ATCAY: variants seen among roughly 807,000 people sequenced by gnomAD.
ATCAY encodes the protein ATCAY kinesin light chain interacting caytaxin, also known as caytaxin.
A neutral mutation model predicts 47.7 loss-of-function variants in ATCAY; 22 were observed. The observed-to-expected ratio is 0.46, with a 90% confidence interval of 0.33 to 0.66. The LOEUF is 0.66. Ranked by LOEUF, ATCAY falls within the 30% of genes least tolerant of loss-of-function variation. The probability of loss-of-function intolerance (pLI) is 0.02; values close to 1 mark genes in which losing one functional copy is unlikely to be tolerated. For missense variants in ATCAY, 452 were observed against 515.0 expected (o/e 0.88, Z 1.18); for synonymous variants, 216 against 207.6 (o/e 1.04, Z -0.35).
chr19:3,920,955 T>C (rs1774917646), intron 12 of ATCAY, 157 bp downstream of exon 12: 9 of 847,042 alleles, frequency 1.1e-5, no homozygotes, highest in Non-Finnish European at 1.7e-5. Context: ...CCCCATGACT[T>C]ATCGGGAGTG....
At chr19:3,911,478 C>T (rs2038922120) in intron 8 of ATCAY, among the ~76,000 whole-genome samples, 1 of 152,058 alleles carries the variant, frequency 6.6e-6, no homozygotes, top group Non-Finnish European at 1.5e-5. Flanking sequence ...GAGCTATGAT[C>T]ACTCCACTGC....
At chr19:3,911,396 T>C (rs900138260) in intron 8 of ATCAY, among the ~76,000 whole-genome samples, 1 of 151,698 alleles carries the variant, frequency 6.6e-6, no homozygotes, top group Non-Finnish European at 1.5e-5. Context: ...TGGCATCACA[T>C]GCCTGTAGTC....
In ATCAY at chr19:3,924,849, T is replaced by C. The variant is rs1381455130; in HGVS notation, c.*257T>C. 5.0e-5 allele frequency: 24 copies of C among 477,804 alleles called. No individual in the cohort carries two copies. Among genetic ancestry groups the C allele is most frequent in the Middle Eastern group, 5.9e-4 (1 of 1,704 alleles). 29.6% of individuals were successfully genotyped at this position (477,804 alleles called of 1,614,324 possible). ...CTCTGAGCCCCTCACCCTTCCACAC[T>C]CACGAACTCTCAGCCGAGGAAGGCA... On this transcript the variant is annotated 3_prime_UTR_variant, in exon 13 of 13. Transcript: ENST00000450849.
At chr19:3,896,485 T>C (rs1376884214) in intron 2 of ATCAY, among the ~76,000 whole-genome samples, 1 of 151,664 alleles carries the variant, frequency 6.6e-6, no homozygotes, top group African/African-American at 2.4e-5. Context: ...CAGGCTGGTC[T>C]TGAACTCTTG....
intron 2 of ATCAY, among the ~76,000 whole-genome samples, chr19:3,897,093 T>C (rs2038776188): frequency 6.6e-6 from 1 of 151,810 alleles, no homozygotes; most frequent in African/African-American, 2.4e-5. Context: ...ATCTAGACTT[T>C]TTGCATCTCT....
rs116217703 is a variant in ATCAY, at chr19:3,925,090, C to A, written c.*498C>A. 2,748 of 156,032 alleles carry A rather than the reference C, an allele frequency of 0.018. 83 individuals are homozygous for A. Among genetic ancestry groups the A allele is most frequent in the African/African-American group, 0.063 (2,624 of 41,548 alleles). 9.7% of individuals were successfully genotyped at this position (156,032 alleles called of 1,614,324 possible). On this transcript the variant is annotated 3_prime_UTR_variant, in exon 13 of 13. Coordinates refer to ENST00000450849, the MANE Select transcript of ATCAY (RefSeq NM_033064.5). The surrounding 1 kb of genome is among the most constrained non-coding windows in gnomAD (Gnocchi z 4.4). ...GCCTCAGACCTAGAAGCTCAACCCC[C>A]CTATGAGGGCCACGTCCTGGGGTAG...
In ATCAY at chr19:3,915,362, T is replaced by G. The variant is rs566877924; in HGVS notation, c.965+1506T>G. 1.8e-3 allele frequency among the ~76,000 whole-genome samples: 264 copies of G among 150,696 alleles called. 1 individual carries two copies. Among genetic ancestry groups the G allele is most frequent in the African/African-American group, 5.8e-3 (240 of 41,060 alleles). The stretch of plus-strand genomic sequence containing the variant: ...TAATTTTTTTTTTTTTTTTTGTATT[T>G]TTAGTAGAGACAGGGTTTCTCCATG... On this transcript the variant is annotated intron_variant, in intron 9 of 12. Transcript: ENST00000450849.
chr19:3,891,874 G>T (rs530415782), intron 2 of ATCAY, among the ~76,000 whole-genome samples: 147 of 152,010 alleles, frequency 9.7e-4, no homozygotes, highest in Non-Finnish European at 1.8e-3. Context: ...GTTTGTTTTG[G>T]GTTTTCTGGG....
intron 12 of ATCAY, among the ~76,000 whole-genome samples, chr19:3,921,902 A>AC (rs1357266700): frequency 2.0e-5 from 3 of 147,758 alleles, no homozygotes; most frequent in Admixed American, 6.7e-5. Flanking sequence ...GTTTAAAAAA[A>AC]AAAAAACAAA....
rs182635832 is a variant in ATCAY, at chr19:3,884,704, C to T, written c.-41-1023C>T. ...ATCTGAAGGCTCAGCCTCTCGCCCA[C>T]GTTCAAACTCTGAACCCCACTGTGC... On this transcript the variant is annotated intron_variant, in intron 1 of 12. Coordinates refer to ENST00000450849, the MANE Select transcript of ATCAY (RefSeq NM_033064.5). Among the ~76,000 whole-genome samples, 24 of 152,132 alleles carry T rather than the reference C, an allele frequency of 1.6e-4. 2 individuals carry two copies. Among genetic ancestry groups the T allele is most frequent in the East Asian group, 3.9e-4 (2 of 5,166 alleles).
Position 3,905,430 on chromosome 19 carries a change from G to T in ATCAY, c.137-4G>T, listed in dbSNP as rs2145243673. The T allele has an allele frequency of 6.3e-7, 1 of 1,596,344 alleles. No individual in the cohort carries two copies. The highest frequency in any genetic ancestry group is 8.5e-7 in the Non-Finnish European group (1 of 1,170,110). On this transcript the variant is annotated splice_polypyrimidine_tract_variant and splice_region_variant and intron_variant, in intron 3 of 12. Transcript: ENST00000450849. The stretch of plus-strand genomic sequence containing the variant: ...TGTTTTCCATTTTTCTCATTTCCCT[G>T]CAGCTCCTCCCAACACGCTAAATTT...
chr19:3,907,038 G>T lies in ATCAY; in HGVS notation c.359-696G>T, dbSNP rs912481088. Among the ~76,000 whole-genome samples the T allele has an allele frequency of 6.6e-6, 1 of 151,718 alleles. No individual in the cohort carries two copies. The highest frequency in any genetic ancestry group is 6.6e-5 in the Admixed American group (1 of 15,168). ...AGTCCCAGCTACTCGGGAGGCTGAG[G>T]CAGGAGAATCGCTTGAACTCTGGAG... On this transcript the variant is annotated intron_variant, in intron 4 of 12. Transcript: ENST00000450849. This position sits in a 1 kb window ranked among gnomAD's most constrained non-coding sequence, Gnocchi z 5.1.
chr19:3,914,093 G>A (rs1405244470), intron 9 of ATCAY, among the ~76,000 whole-genome samples: 3 of 151,788 alleles, frequency 2.0e-5, no homozygotes, highest in South Asian at 4.2e-4. Flanking sequence ...AAAATTAGCC[G>A]GGCGTGGTGG....
chr19:3,887,653 A>AT lies in ATCAY; in HGVS notation c.77+1815dup, dbSNP rs1173445285. ...GGGCACCCGCCACCACGCCCGGCTA[A>AT]TTTTTTGTATTTTTAGTAGAGACGG... On this transcript the variant is annotated intron_variant, in intron 2 of 12. Coordinates refer to ENST00000450849, the MANE Select transcript of ATCAY (RefSeq NM_033064.5). 5.0e-3 allele frequency among the ~76,000 whole-genome samples: 754 copies of AT among 150,260 alleles called. 4 individuals are homozygous for AT. The highest frequency in any genetic ancestry group is 8.5e-3 in the Non-Finnish European group (569 of 67,330).
intron 11 of ATCAY, among the ~76,000 whole-genome samples, chr19:3,920,010 T>C (rs536698290): frequency 3.2e-4 from 48 of 152,282 alleles, no homozygotes; most frequent in African/African-American, 9.4e-4. Context: ...GATACAGCAG[T>C]GTCGGTCCTC....
intron 9 of ATCAY, among the ~76,000 whole-genome samples, chr19:3,916,917 C>T (rs2038971187): frequency 2.0e-5 from 3 of 151,856 alleles, no homozygotes; most frequent in African/African-American, 7.3e-5. Context: ...AAGGGATTCT[C>T]GTGCCTCAGC....
intron 6 of ATCAY, among the ~76,000 whole-genome samples, chr19:3,908,679 C>T (rs2038889673): frequency 1.9e-5 from 2 of 106,592 alleles, no homozygotes; most frequent in South Asian, 3.9e-4. Flanking sequence ...CCTCCTTCTC[C>T]TCCCCTTCTT....
chr19:3,894,716 A>G (rs1026181627), intron 2 of ATCAY, among the ~76,000 whole-genome samples: 1 of 151,200 alleles, frequency 6.6e-6, no homozygotes, highest in Non-Finnish European at 1.5e-5. Flanking sequence ...TAGGAAGCTG[A>G]GGCAGGAGAA....
chr19:3,884,952 T>C (rs2038634920), intron 1 of ATCAY, among the ~76,000 whole-genome samples: 1 of 150,708 alleles, frequency 6.6e-6, no homozygotes, highest in South Asian at 2.1e-4. Context: ...TTTTAAAAAA[T>C]TACCCAGGCA....
Sources: allele counts gnomAD v4.1 joint callset (sites outside exome capture counted in the v4.1 genomes callset), GRCh38; gene constraint gnomAD v4.1.1; non-coding constraint Gnocchi (gnomAD v3.1); transcripts MANE v1.5; gene names NCBI Gene and HGNC (gene_info 2026-07-23, HGNC 2026-07-21).